Variants in GFRAL observed in about 807,000 individuals in gnomAD.
The protein encoded by GFRAL is GDNF family receptor alpha-like.
In GFRAL, 36 loss-of-function variants were observed where a neutral mutation model predicts 45.4. The ratio of observed to expected loss-of-function variants is 0.79; its 90% CI spans 0.61 to 1.05. GFRAL has a LOEUF of 1.05. Ranked by LOEUF, GFRAL falls within the 50% of genes least tolerant of loss-of-function variation. The pLI is 0.00. For synonymous variants in GFRAL, 166 were observed against 154.1 expected, an observed-to-expected ratio of 1.08 and a Z score of -0.57; for missense variants, 507 against 467.5, an observed-to-expected ratio of 1.08 and a Z score of -0.78.
rs112012206 is a variant in GFRAL, at chr6:55,362,682, C to T, written c.952+3544C>T. ...CATTATTGTTTTCAGTCCATTATAC[C>T]GAAGGAGTGAGAGGGTATACCTTAA... On this transcript the variant is annotated intron_variant, in intron 6 of 8. Coordinates refer to ENST00000340465, the MANE Select transcript of GFRAL (RefSeq NM_207410.2). Among the ~76,000 whole-genome samples, 773 of 151,980 alleles carry T rather than the reference C, an allele frequency of 5.1e-3. 8 individuals are homozygous for T. The highest frequency in any genetic ancestry group is 0.018 in the African/African-American group (733 of 41,456).
chr6:55,379,631 C>A (rs1581756123), intron 6 of GFRAL, among the ~76,000 whole-genome samples: 1 of 151,812 alleles, frequency 6.6e-6, no homozygotes, highest in African/African-American at 2.4e-5. Context: ...CTAATTTACA[C>A]ACACATAACC....
chr6:55,340,924 T>C (rs913770981), intron 3 of GFRAL, among the ~76,000 whole-genome samples: 18 of 152,164 alleles, frequency 1.2e-4, no homozygotes, highest in African/African-American at 4.8e-5. Flanking sequence ...CCTCGCTCAT[T>C]CCTAGCGCAG....
At chr6:55,388,552 A>G (rs1195024347) in intron 6 of GFRAL, among the ~76,000 whole-genome samples, 1 of 152,218 alleles carries the variant, frequency 6.6e-6, no homozygotes, top group Non-Finnish European at 1.5e-5. Context: ...TAGCTATTAC[A>G]TTGAAAATGT....
intron 6 of GFRAL, among the ~76,000 whole-genome samples, chr6:55,393,466 A>T (rs781073009): frequency 6.6e-6 from 1 of 152,148 alleles, no homozygotes; most frequent in Non-Finnish European, 1.5e-5. Context: ...ATAGAGAATG[A>T]CAGATGGTTC....
intron 3 of GFRAL, among the ~76,000 whole-genome samples, chr6:55,347,134 A>T (rs1049723334): frequency 6.6e-6 from 1 of 152,106 alleles, no homozygotes; most frequent in African/African-American, 2.4e-5. Context: ...CTTTATCTGA[A>T]TGGGTGAGTG....
chr6:55,337,603 T>A (rs1581899682), intron 3 of GFRAL, among the ~76,000 whole-genome samples: 1 of 152,214 alleles, frequency 6.6e-6, no homozygotes, highest in South Asian at 2.1e-4. Context: ...ATTCTTGTTA[T>A]CTATTTCTTC....
At chr6:55,339,639 A>T (rs1305212515) in intron 3 of GFRAL, among the ~76,000 whole-genome samples, 1 of 152,190 alleles carries the variant, frequency 6.6e-6, no homozygotes, top group Non-Finnish European at 1.5e-5. Context: ...GACATGAAGA[A>T]AATTGTCAAA....
At chr6:55,399,734 A>G (rs1768871714) in intron 8 of GFRAL, among the ~76,000 whole-genome samples, 1 of 152,088 alleles carries the variant, frequency 6.6e-6, no homozygotes, top group Non-Finnish European at 1.5e-5. Flanking sequence ...CTTCCCTACC[A>G]AATCCAAATT....
rs1191756480 is a variant in GFRAL, at chr6:55,358,875, A to C, written c.702-13A>C. The C allele has an allele frequency of 6.2e-7, 1 of 1,608,460 alleles. No homozygotes were observed. The highest frequency in any genetic ancestry group is 1.7e-5 in the Admixed American group (1 of 59,404). ...TATTCAAAACTAATTATTTTTCTTC[A>C]CTCTTTCTCTAGGAGGCACTATAGA... On this transcript the variant is annotated splice_polypyrimidine_tract_variant and intron_variant, in intron 5 of 8. Coordinates refer to ENST00000340465, the MANE Select transcript of GFRAL (RefSeq NM_207410.2).
chr6:55,340,592 C>G (rs116316216), intron 3 of GFRAL, among the ~76,000 whole-genome samples: 1,991 of 152,214 alleles, frequency 0.013, 23 homozygotes, highest in Non-Finnish European at 0.022. Flanking sequence ...AGCTCCCAGC[C>G]TGAGTGATGC....
At chr6:55,345,212 C>G (rs903906590) in intron 3 of GFRAL, among the ~76,000 whole-genome samples, 59 of 152,026 alleles carry the variant, frequency 3.9e-4, no homozygotes, top group African/African-American at 1.4e-3. Flanking sequence ...TCATATGGAA[C>G]CAAAAAAGGG....
intron 3 of GFRAL, among the ~76,000 whole-genome samples, chr6:55,341,407 A>C (rs1767963524): frequency 6.6e-6 from 1 of 152,154 alleles, no homozygotes; most frequent in Non-Finnish European, 1.5e-5. Context: ...ACACCCAGTC[A>C]AACAGGGTCT....
At chr6:55,372,063 A>G (rs1244743169) in intron 6 of GFRAL, among the ~76,000 whole-genome samples, 1 of 152,174 alleles carries the variant, frequency 6.6e-6, no homozygotes, top group Admixed American at 6.5e-5. Context: ...GAGGGCCTGG[A>G]GGTCCTTGTC....
At chr6:55,341,184 G>C (rs116435350) in intron 3 of GFRAL, among the ~76,000 whole-genome samples, 1,987 of 152,224 alleles carry the variant, frequency 0.013, 22 homozygotes, top group Non-Finnish European at 0.022. Context: ...AGTGGTTCTC[G>C]CAGCACAGAG....
At chr6:55,337,127 G>C (rs778271721) in intron 3 of GFRAL, among the ~76,000 whole-genome samples, 3 of 151,722 alleles carry the variant, frequency 2.0e-5, no homozygotes, top group Non-Finnish European at 4.4e-5. Context: ...ATGTATATTT[G>C]TATCCGTTAA....
In GFRAL at chr6:55,373,778, G is replaced by T. The variant is rs565907400; in HGVS notation, c.952+14640G>T. Among the ~76,000 whole-genome samples, 429 of 151,440 alleles carry T rather than the reference G, an allele frequency of 2.8e-3. 3 individuals are homozygous for T. Among genetic ancestry groups the T allele is most frequent in the African/African-American group, 0.01 (419 of 41,152 alleles). On this transcript the variant is annotated intron_variant, in intron 6 of 8. Coordinates refer to ENST00000340465, the MANE Select transcript of GFRAL (RefSeq NM_207410.2). The stretch of plus-strand genomic sequence containing the variant: ...TTTTTTTAAGTTCTGGGATACATGT[G>T]CAGGATATACGGTTTGTTACATAGG...
intron 6 of GFRAL, among the ~76,000 whole-genome samples, chr6:55,363,815 A>G (rs1768314422): frequency 6.6e-6 from 1 of 151,312 alleles, no homozygotes; most frequent in South Asian, 2.1e-4. Flanking sequence ...TATGTGCCAC[A>G]TTTTCTTAAT....
intron 4 of GFRAL, among the ~76,000 whole-genome samples, chr6:55,350,761 G>A (rs1768106052): frequency 6.6e-6 from 1 of 152,078 alleles, no homozygotes; most frequent in Non-Finnish European, 1.5e-5. Flanking sequence ...TAAGTTATTT[G>A]GCACCAACTG....
At chr6:55,343,905 C>T (rs1301763725) in intron 3 of GFRAL, among the ~76,000 whole-genome samples, 2 of 152,066 alleles carry the variant, frequency 1.3e-5, no homozygotes, top group African/African-American at 4.8e-5. Context: ...AGAGAATAAA[C>T]ACCTCTACAC....
Sources: gnomAD v4.1 joint callset for allele counts (sites outside exome capture counted in the v4.1 genomes callset) on GRCh38, gnomAD v4.1.1 for gene constraint, MANE v1.5 for transcripts, NCBI Gene and HGNC (gene_info 2026-07-23, HGNC 2026-07-21) for gene names.